JPT2: variants seen among roughly 807,000 people sequenced by gnomAD.
JPT2 encodes Jupiter microtubule associated homolog 2.
Under a neutral mutation model 15.9 loss-of-function variants are expected in JPT2, and 9 were observed. The ratio of observed to expected loss-of-function variants is 0.57; its 90% CI spans 0.34 to 0.99. The LOEUF is 0.99. JPT2 is among the 50% of genes least tolerant of loss of function. The pLI, the probability that JPT2 is intolerant of heterozygous loss-of-function variation, is 0.02. For synonymous variants in JPT2, 95 were observed against 91.7 expected (o/e 1.04, Z -0.21); for missense variants, 267 against 252.1 (o/e 1.06, Z -0.40).
chr16:1,688,411 C>T (rs1272673366), intron 2 of JPT2: 1 of 152,192 alleles, frequency 6.6e-6, no homozygotes, highest in Non-Finnish European at 1.5e-5. Context: ...TGAATGTATC[C>T]ACTGGGATAA....
intron 3 of JPT2, among the ~76,000 whole-genome samples, chr16:1,697,041 G>A (rs1479074340): frequency 1.3e-5 from 2 of 151,960 alleles, no homozygotes; most frequent in Non-Finnish European, 2.9e-5. Flanking sequence ...GCCCAAGGGC[G>A]GGAATGACTC....
rs1253907060 is a variant in JPT2, at chr16:1,699,245, G to T, written c.*247G>T. On this transcript the variant is annotated 3_prime_UTR_variant, in exon 5 of 5. Transcript: ENST00000248098. ...CATCACTCATGTGTAGTCCAGGTTTGAGAGGAACTGGAAGGGGGGTGAGGG... is the reference window on the plus strand; with the variant it reads ...CATCACTCATGTGTAGTCCAGGTTTTAGAGGAACTGGAAGGGGGGTGAGGG... 1.6e-6 allele frequency: 1 copy of T among 625,846 alleles called. No homozygotes were observed. Among genetic ancestry groups the T allele is most frequent in the African/African-American group, 1.8e-5 (1 of 55,296 alleles). 38.8% of individuals were successfully genotyped at this position (625,846 alleles called of 1,614,324 possible). A position where few individuals can be genotyped will look rare whatever the true frequency, so the allele number is the denominator to read the frequency against.
intron 2 of JPT2, chr16:1,690,361 A>G (rs763948157): frequency 5.9e-5 from 9 of 152,200 alleles, no homozygotes; most frequent in Non-Finnish European, 1.2e-4. Flanking sequence ...GTAACTGTAC[A>G]CTAACCTTGT....
intron 1 of JPT2, chr16:1,680,515 C>G (rs2037014386): frequency 4.9e-6 from 6 of 1,236,886 alleles, no homozygotes; most frequent in Non-Finnish European, 6.3e-6. Context: ...CTGGAAGCTT[C>G]TGCTTGGGGT....
chr16:1,690,072 AC>A, intron 2 of JPT2: 1 of 151,932 alleles, frequency 6.6e-6, no homozygotes, highest in Non-Finnish European at 1.5e-5. Flanking sequence ...CGCCCGCCCG[AC>A]CCCCCACTTG....
chr16:1,687,009 G>T (rs1221470209), intron 2 of JPT2, among the ~76,000 whole-genome samples: 6 of 152,196 alleles, frequency 3.9e-5, no homozygotes, highest in Admixed American at 3.3e-4. Context: ...TTGAGACGGG[G>T]TCTCACTCTG....
At chr16:1,693,615 A>G (rs935368728) in intron 3 of JPT2, among the ~76,000 whole-genome samples, 5 of 152,172 alleles carry the variant, frequency 3.3e-5, no homozygotes, top group South Asian at 2.1e-4. Flanking sequence ...GTAGGACATC[A>G]GTACAACTGG....
chr16:1,683,637 G>A (rs531818512), intron 1 of JPT2: 466 of 1,402,322 alleles, frequency 3.3e-4, no homozygotes, highest in African/African-American at 8.2e-4. Context: ...TAGCCAGCCC[G>A]TGGGTCTCTG....
At chr16:1,696,194 A>G (rs762243780) in intron 3 of JPT2, among the ~76,000 whole-genome samples, 9 of 151,820 alleles carry the variant, frequency 5.9e-5, no homozygotes, top group Non-Finnish European at 1.0e-4. Context: ...GCGCCATTGC[A>G]CTCCAACCTG....
At chr16:1,694,217 G>A (rs919967018) in intron 3 of JPT2, among the ~76,000 whole-genome samples, 7 of 152,168 alleles carry the variant, frequency 4.6e-5, no homozygotes, top group Admixed American at 2.6e-4. Context: ...ATCAGTGGCC[G>A]TTAACATCAC....
intron 1 of JPT2, among the ~76,000 whole-genome samples, chr16:1,683,077 C>T (rs542835820): frequency 9.2e-5 from 14 of 152,270 alleles, no homozygotes; most frequent in East Asian, 5.8e-4. Flanking sequence ...CCCGGGTTCA[C>T]GCCATTCTCC....
intron 3 of JPT2, 48 bp from the exon 4 acceptor site, chr16:1,697,764 G>A (rs371897442): frequency 6.3e-7 from 1 of 1,583,002 alleles, no homozygotes; most frequent in African/African-American, 1.4e-5. Context: ...TTGAATGAGG[G>A]TAAAATTTTC....
Position 1,699,100 on chromosome 16 carries a change from T to A in JPT2, c.*102T>A, listed in dbSNP as rs1288280609. On this transcript the variant is annotated 3_prime_UTR_variant, in exon 5 of 5. Coordinates refer to ENST00000248098, the MANE Select transcript of JPT2 (RefSeq NM_144570.3). ...CAAATGAGCGGGGTGGGAAGAGGGT[T>A]AGTCTTATGTGAGCCTGGCTGCTCA... is the stretch of plus-strand genomic sequence containing the variant. 1.6e-6 allele frequency: 2 copies of A among 1,230,162 alleles called. No homozygotes were observed. The highest frequency in any genetic ancestry group is 3.0e-5 in the African/African-American group (2 of 67,620). The allele number at this position is 1,230,162 out of a possible 1,614,324, so 76.2% of individuals were successfully genotyped here.
chr16:1,685,676 T>C (rs1389075602), intron 2 of JPT2, 89 bp downstream of exon 2: 71 of 1,350,376 alleles, frequency 5.3e-5, no homozygotes, highest in Non-Finnish European at 6.7e-5. Context: ...TCCTTTCCCA[T>C]ATTGTCTGGT....
chr16:1,686,947 A>G (rs772684955), intron 2 of JPT2, among the ~76,000 whole-genome samples: 32 of 152,072 alleles, frequency 2.1e-4, no homozygotes, highest in Admixed American at 4.6e-4. Context: ...AATGTAGAGG[A>G]AAAAAAGCAG....
rs754507832 is a variant in JPT2, at chr16:1,700,164, CACAA to C, written c.*1171_*1174del. The C allele has an allele frequency of 2.6e-5, 12 of 455,938 alleles. No homozygotes were observed. Among genetic ancestry groups the C allele is most frequent in the South Asian group, 1.7e-4 (11 of 64,556 alleles). The allele number at this position is 455,938 out of a possible 1,614,324, so 28.2% of individuals were successfully genotyped here. A position where few individuals can be genotyped will look rare whatever the true frequency, so the allele number is the denominator to read the frequency against. On this transcript the variant is annotated 3_prime_UTR_variant, in exon 5 of 5. Transcript: ENST00000248098. ...CTTTATAGAACTTCTGGATCTAACT[CACAA>C]ACAAGCTTCCAGAAGAGACTAGAGA... is the stretch of plus-strand genomic sequence containing the variant.
chr16:1,702,222 TC>T (rs2037184623), downstream of JPT2: 7 of 451,548 alleles, frequency 1.6e-5, no homozygotes, highest in Admixed American at 1.2e-4. Context: ...GCCTGCTAGA[TC>T]GGGGCCAGAT....
chr16:1,684,530 C>T (rs1218755804), intron 1 of JPT2, among the ~76,000 whole-genome samples: 3 of 152,022 alleles, frequency 2.0e-5, no homozygotes, highest in Non-Finnish European at 4.4e-5. Flanking sequence ...CACCCCAGGT[C>T]AGGAGTTCGA....
In JPT2 at chr16:1,700,343, C is replaced by T. The variant is rs987014749; in HGVS notation, c.*1345C>T. The T allele has an allele frequency of 3.1e-6, 1 of 324,114 alleles. No individual in the cohort carries two copies. The allele number at this position is 324,114 out of a possible 1,614,324, so 20.1% of individuals were successfully genotyped here. A position where few individuals can be genotyped will look rare whatever the true frequency, so the allele number is the denominator to read the frequency against. ...GCCCATCCCCCTCAAGGGCTGCAGG[C>T]CCAGTTCTCATGCTGCCCTTGGGTG... On this transcript the variant is annotated 3_prime_UTR_variant, in exon 5 of 5. Transcript: ENST00000248098.
Sources: allele counts gnomAD v4.1 joint callset (sites outside exome capture counted in the v4.1 genomes callset), GRCh38; gene constraint gnomAD v4.1.1; transcripts MANE v1.5; gene names NCBI Gene and HGNC (gene_info 2026-07-23, HGNC 2026-07-21).